SYCP2L: variants seen among roughly 807,000 people sequenced by gnomAD.
The protein encoded by SYCP2L is synaptonemal complex protein 2-like.
SYCP2L carries 98 observed loss-of-function variants against 125.8 expected under a neutral mutation model. That is an observed-to-expected ratio of 0.78 (90% CI 0.66 to 0.92). The LOEUF is 0.92. Ranked by LOEUF, SYCP2L falls within the 40% of genes least tolerant of loss-of-function variation. The probability of loss-of-function intolerance (pLI) is 0.00; values close to 1 mark genes in which losing one functional copy is unlikely to be tolerated. For synonymous variants in SYCP2L, 317 were observed against 325.4 expected (o/e 0.97, Z 0.28); for missense variants, 842 against 936.4 (o/e 0.90, Z 1.32).
At chr6:10,911,042 A>G (rs1308957027) in intron 12 of SYCP2L, among the ~76,000 whole-genome samples, 173 bp downstream of exon 12, 1 of 152,110 alleles carries the variant, frequency 6.6e-6, no homozygotes, top group African/African-American at 2.4e-5. Flanking sequence ...TACCCTAACC[A>G]GAATGCGTTA....
intron 1 of SYCP2L, among the ~76,000 whole-genome samples, chr6:10,890,577 T>C (rs2113279353): frequency 6.6e-6 from 1 of 152,342 alleles, no homozygotes; most frequent in Middle Eastern, 3.4e-3. Context: ...GAGTTCCCTG[T>C]ATATTCTAGA....
intron 23 of SYCP2L, among the ~76,000 whole-genome samples, chr6:10,953,770 A>T (rs1186581818): frequency 6.6e-6 from 1 of 152,214 alleles, no homozygotes; most frequent in African/African-American, 2.4e-5. Flanking sequence ...CAGATGATGG[A>T]CAAGTAAAAC....
chr6:10,953,954 T>G (rs1055296144), intron 23 of SYCP2L, among the ~76,000 whole-genome samples: 5 of 145,804 alleles, frequency 3.4e-5, no homozygotes, highest in African/African-American at 1.2e-4. Context: ...TGCAAAGGCC[T>G]TGAGGTAAGA....
At chr6:10,923,976 G>A (rs997711132) in intron 14 of SYCP2L, among the ~76,000 whole-genome samples, 5 of 152,176 alleles carry the variant, frequency 3.3e-5, no homozygotes, top group African/African-American at 7.2e-5. Context: ...GAGCCACCAC[G>A]CCTGGCCTAC....
chr6:10,963,745 A>C, intron 28 of SYCP2L, 37 bp from the exon 29 acceptor site: 1 of 1,607,156 alleles, frequency 6.2e-7, no homozygotes, highest in African/African-American at 1.3e-5. Flanking sequence ...AAATTGTCTA[A>C]TGTGAATATA....
Position 10,954,067 on chromosome 6 carries a change from T to A in SYCP2L, c.1955-1049T>A, listed in dbSNP as rs1401183207. Among the ~76,000 whole-genome samples, 3 of 152,140 alleles carry A rather than the reference T, an allele frequency of 2.0e-5. No individual in the cohort carries two copies. The highest frequency in any genetic ancestry group is 4.8e-5 in the African/African-American group (2 of 41,416). ...TACCTCTCACTATCTGCCAGCCGCA[T>A]CGCCCTGCCTCTCGCACATAGTAAC... On this transcript the variant is annotated intron_variant, in intron 23 of 29. Transcript: ENST00000283141. The surrounding 1 kb of genome is among the most constrained non-coding windows in gnomAD (Gnocchi z 4.8).
intron 23 of SYCP2L, among the ~76,000 whole-genome samples, chr6:10,947,198 C>T (rs1330363982): frequency 6.6e-6 from 1 of 151,864 alleles, no homozygotes; most frequent in Non-Finnish European, 1.5e-5. Flanking sequence ...TATTTTTGAG[C>T]TTGTTTTTCT....
chr6:10,923,098 G>C (rs188902611), intron 14 of SYCP2L, among the ~76,000 whole-genome samples: 10 of 152,266 alleles, frequency 6.6e-5, no homozygotes, highest in Admixed American at 1.3e-4. Context: ...ACTCTGATGA[G>C]TTGGACCTCA....
intron 29 of SYCP2L, among the ~76,000 whole-genome samples, chr6:10,969,505 C>T (rs71548521): frequency 0.096 from 14,508 of 151,450 alleles, 984 homozygotes; most frequent in Non-Finnish European, 0.15. Flanking sequence ...GGACTACAGG[C>T]GCCCGCCACC....
At chr6:10,967,072 A>G (rs538359008) in intron 29 of SYCP2L, among the ~76,000 whole-genome samples, 8 of 152,326 alleles carry the variant, frequency 5.3e-5, no homozygotes, top group Non-Finnish European at 1.0e-4. Flanking sequence ...ATATGTCAAT[A>G]AATTTGAAAA....
intron 14 of SYCP2L, among the ~76,000 whole-genome samples, chr6:10,924,166 G>A (rs549596175): frequency 2.4e-4 from 37 of 152,292 alleles, no homozygotes; most frequent in Non-Finnish European, 3.8e-4. Flanking sequence ...TAAAATACCT[G>A]TTGCAGATGA....
chr6:10,923,823 A>G (rs1018924074), intron 14 of SYCP2L, among the ~76,000 whole-genome samples: 5 of 151,704 alleles, frequency 3.3e-5, no homozygotes, highest in Non-Finnish European at 1.5e-5. Context: ...AGCTGGGACT[A>G]GAAGCACCCA....
intron 25 of SYCP2L, among the ~76,000 whole-genome samples, chr6:10,957,041 A>G (rs1390793283): frequency 6.7e-6 from 1 of 150,176 alleles, no homozygotes; most frequent in African/African-American, 2.5e-5. Context: ...GTTGCCCAGT[A>G]TGGTCTTACA....
rs766694262 is a variant in SYCP2L at position 10,912,651 on chromosome 6, A to G, written c.919-22A>G. On this transcript the variant is annotated intron_variant, in intron 12 of 29. Coordinates refer to ENST00000283141, the MANE Select transcript of SYCP2L (RefSeq NM_001040274.3). This position sits in a 1 kb window ranked among gnomAD's most constrained non-coding sequence, Gnocchi z 4.1. ...AGCATGATTTTTATGTGTATAAGTCATGCTGAAATGATCTCTTACAGATGA... is the reference window on the plus strand; with the variant it reads ...AGCATGATTTTTATGTGTATAAGTCGTGCTGAAATGATCTCTTACAGATGA... 2 of 1,565,722 alleles carry G rather than the reference A, an allele frequency of 1.3e-6. No individual in the cohort carries two copies. The highest frequency in any genetic ancestry group is 8.8e-7 in the Non-Finnish European group (1 of 1,139,028).
At chr6:10,901,227 TTTC>T (rs1372241549) in intron 6 of SYCP2L, among the ~76,000 whole-genome samples, 1 of 152,216 alleles carries the variant, frequency 6.6e-6, no homozygotes, top group Non-Finnish European at 1.5e-5. Context: ...TGGTACCTTA[TTTC>T]TTCTTCTTTG....
At chr6:10,899,652 A>G (rs1469990087) in intron 6 of SYCP2L, among the ~76,000 whole-genome samples, 5 of 152,224 alleles carry the variant, frequency 3.3e-5, no homozygotes, top group African/African-American at 1.2e-4. Context: ...TCATTTTTCT[A>G]TGTTACATGT....
At chr6:10,956,925 C>T (rs1781510737) in intron 25 of SYCP2L, among the ~76,000 whole-genome samples, 1 of 152,186 alleles carries the variant, frequency 6.6e-6, no homozygotes, top group Admixed American at 6.5e-5. Flanking sequence ...CTCTTGGGCT[C>T]AAGTGATCCT....
At chr6:10,931,114 C>T (rs955826114) in intron 19 of SYCP2L, among the ~76,000 whole-genome samples, 3 of 152,152 alleles carry the variant, frequency 2.0e-5, no homozygotes, top group African/African-American at 7.2e-5. Flanking sequence ...AAGGCTGCAG[C>T]GAGCAGTGAT....
At chr6:10,967,675 A>T (rs971427043) in intron 29 of SYCP2L, among the ~76,000 whole-genome samples, 13 of 152,192 alleles carry the variant, frequency 8.5e-5, no homozygotes, top group Admixed American at 1.3e-4. Context: ...CATGAGTAAA[A>T]TCCAACCAAT....
Sources: allele counts gnomAD v4.1 joint callset (sites outside exome capture counted in the v4.1 genomes callset), GRCh38; gene constraint gnomAD v4.1.1; non-coding constraint Gnocchi (gnomAD v3.1); transcripts MANE v1.5; gene names NCBI Gene and HGNC (gene_info 2026-07-23, HGNC 2026-07-21).